Variants in DCAF6 observed in about 807,000 individuals in gnomAD.
DCAF6 encodes the protein DDB1- and CUL4-associated factor 6.
DCAF6 carries 54 observed loss-of-function variants against 125.1 expected under a neutral mutation model. That is an observed-to-expected ratio of 0.43 (90% CI 0.35 to 0.54). The LOEUF is 0.54. Ranked by LOEUF, DCAF6 falls within the 20% of genes least tolerant of loss-of-function variation. The pLI, the probability that DCAF6 is intolerant of heterozygous loss-of-function variation, is 0.01. For synonymous variants in DCAF6, 371 were observed against 390.4 expected (o/e 0.95, Z 0.58); for missense variants, 934 against 1,161.7 (o/e 0.80, Z 2.85).
intron 13 of DCAF6, among the ~76,000 whole-genome samples, chr1:168,041,973 A>C (rs1445630664): frequency 4.6e-5 from 7 of 151,590 alleles, no homozygotes; most frequent in Non-Finnish European, 7.4e-5. Context: ...AATTCTACTG[A>C]CATGACACTC....
chr1:168,058,969 C>T (rs1022065850), intron 17 of DCAF6, among the ~76,000 whole-genome samples: 2 of 151,940 alleles, frequency 1.3e-5, no homozygotes, highest in African/African-American at 2.4e-5. Flanking sequence ...AATCCACTAT[C>T]GTGTATTAGT....
chr1:167,923,902 G>T, the DCAF6 span, among the ~76,000 whole-genome samples: 1 of 152,136 alleles, frequency 6.6e-6, no homozygotes, highest in Non-Finnish European at 1.5e-5. Context: ...CACAGTTATA[G>T]ACCCAAACTG....
At chr1:167,899,630 TG>T in the DCAF6 span, 1 of 1,613,822 alleles carries the variant, frequency 6.2e-7, no homozygotes, top group African/African-American at 1.3e-5. Context: ...CAGCCAGTCC[TG>T]GCAAGAAGGC....
chr1:167,950,011 A>G (rs1673675479), intron 1 of DCAF6, among the ~76,000 whole-genome samples: 1 of 152,222 alleles, frequency 6.6e-6, no homozygotes, highest in African/African-American at 2.4e-5. Context: ...CTATTTAACC[A>G]CAATGTGTTA....
At chr1:168,016,000 T>C in intron 11 of DCAF6, 49 bp downstream of exon 11, 2 of 1,369,138 alleles carry the variant, frequency 1.5e-6, no homozygotes, top group South Asian at 3.5e-5. Context: ...TGTTTTTTAA[T>C]ACTGCTACTG....
the DCAF6 span, among the ~76,000 whole-genome samples, chr1:167,907,546 C>T: frequency 6.6e-6 from 1 of 152,116 alleles, no homozygotes; most frequent in Non-Finnish European, 1.5e-5. Flanking sequence ...ATGGCATTGA[C>T]CAAAGCAAAT....
At chr1:167,916,627 C>G in the DCAF6 span, 1 of 152,182 alleles carries the variant, frequency 6.6e-6, no homozygotes, top group African/African-American at 2.4e-5. Context: ...GGAGGACTGC[C>G]TATGATTGTA....
intron 12 of DCAF6, among the ~76,000 whole-genome samples, chr1:168,028,020 G>A (rs1463381165): frequency 6.6e-6 from 1 of 152,106 alleles, no homozygotes. Flanking sequence ...TTGGAGTTGT[G>A]TGTAAACACA....
rs754283834 is a variant in DCAF6 at position 168,050,931 on chromosome 1, G to A, written c.2298G>A (p.Met766Ile). The change falls in exon 17 of 22, where the codon ATG becomes ATA. Residue 766 changes from methionine to isoleucine, a missense_variant and splice_region_variant. This residue lies in a region of DCAF6 where 559 missense variants were observed against 635.5 expected (regional missense o/e 0.88). Coordinates refer to ENST00000367840, the MANE Select transcript of DCAF6 (RefSeq NM_001198956.2). Reference sequence around the variant, plus strand: ...GAACAACAATAGGTGATAGAATAATGAGGTAATTCAGTATGTTCCTTCATA... The same window carrying A: ...GAACAACAATAGGTGATAGAATAATAAGGTAATTCAGTATGTTCCTTCATA... The part of the protein sequence containing the change: ...IRGTTIGDRI[M>I]RRSAVARIQE... 1.3e-4 allele frequency: 185 copies of A among 1,383,326 alleles called. No homozygotes were observed. The highest frequency in any genetic ancestry group is 1.1e-4 in the Non-Finnish European group (119 of 1,044,006). The allele number at this position is 1,383,326 out of a possible 1,614,324, so 85.7% of individuals were successfully genotyped here.
At position 168,009,378 on chromosome 1, in the gene DCAF6, C is replaced by T. The variant is rs796548935; in HGVS notation, c.1378+4585C>T. 3.4e-3 allele frequency among the ~76,000 whole-genome samples: 409 copies of T among 119,240 alleles called. 2 individuals are homozygous for T. Among genetic ancestry groups the T allele is most frequent in the South Asian group, 0.024 (105 of 4,358 alleles). The allele number at this position is 119,240 out of a possible 152,430, so 78.2% of individuals were successfully genotyped here. ...TCCTTCCTTCCTTCCTTCCTTCCTT[C>T]CTTCCTTCCTTTCTTTCTTTCTTTC... On this transcript the variant is annotated intron_variant, in intron 10 of 21. Transcript: ENST00000367840.
chr1:167,906,458 TCAGATA>T, the DCAF6 span, among the ~76,000 whole-genome samples: 1 of 151,848 alleles, frequency 6.6e-6, no homozygotes, highest in Non-Finnish European at 1.5e-5. Context: ...ATAAATAACT[TCAGATA>T]GTAAATTTGG....
In DCAF6 at chr1:168,034,015, A is replaced by G. The variant is rs541827527; in HGVS notation, c.1610-4356A>G. Among the ~76,000 whole-genome samples the G allele has an allele frequency of 3.3e-5, 5 of 152,366 alleles. No homozygotes were observed. The East Asian group carries it at 5.8e-4, about 18-fold the overall frequency. On this transcript the variant is annotated intron_variant, in intron 12 of 21. Coordinates refer to ENST00000367840, the MANE Select transcript of DCAF6 (RefSeq NM_001198956.2). ...AAAGAAGATACAACATAGTTTTCCT[A>G]TACTATGATGCCAAAGTGATAATTT...
At chr1:168,002,138 T>C (rs1334507296) in intron 7 of DCAF6, among the ~76,000 whole-genome samples, 1 of 152,188 alleles carries the variant, frequency 6.6e-6, no homozygotes, top group Non-Finnish European at 1.5e-5. Context: ...ATCATCACAA[T>C]AGAAAACTAA....
intron 3 of DCAF6, among the ~76,000 whole-genome samples, chr1:167,972,004 C>T (rs976307378): frequency 6.6e-5 from 10 of 152,154 alleles, no homozygotes; most frequent in Middle Eastern, 3.4e-3. Flanking sequence ...TACAGGGATG[C>T]GCCACCATAC....
At chr1:167,973,063 T>C (rs1677581040) in intron 3 of DCAF6, among the ~76,000 whole-genome samples, 1 of 152,176 alleles carries the variant, frequency 6.6e-6, no homozygotes, top group Non-Finnish European at 1.5e-5. Context: ...AACTAATGGC[T>C]GTATGTAGTG....
At chr1:167,920,495 C>G in the DCAF6 span, 1 of 1,576,740 alleles carries the variant, frequency 6.3e-7, no homozygotes, top group Non-Finnish European at 8.6e-7. Context: ...TAAAAGAAAA[C>G]AAAAATCATT....
chr1:167,925,478 T>TATATAC, the DCAF6 span, among the ~76,000 whole-genome samples: 1,386 of 122,192 alleles, frequency 0.011, 5 homozygotes, highest in Non-Finnish European at 0.016. Context: ...TATATATACA[T>TATATAC]ATACATATAC....
chr1:168,068,414 A>G lies in DCAF6; in HGVS notation c.2742A>G (p.Pro914=). 1 of 1,582,318 alleles carries G rather than the reference A, an allele frequency of 6.3e-7. No homozygotes were observed. The highest frequency in any genetic ancestry group is 8.6e-7 in the Non-Finnish European group (1 of 1,162,920). The change falls in exon 21 of 22, where the codon CCA becomes CCG. Residue 914 remains proline, a synonymous_variant. Coordinates refer to ENST00000367840, the MANE Select transcript of DCAF6 (RefSeq NM_001198956.2). ...LEETRNTITV[P]ASFMLRMLAS... is the part of the protein sequence containing the mutation. ...AAACTAGAAACACCATTACAGTTCC[A>G]GCCTCTTTCATGTTGAGGATGTTGG...
intron 11 of DCAF6, among the ~76,000 whole-genome samples, chr1:168,022,561 A>G (rs1324397808): frequency 6.6e-6 from 1 of 152,222 alleles, no homozygotes; most frequent in Admixed American, 6.5e-5. Context: ...AGCAAACAAC[A>G]TCTCTCAAAG....
Sources: allele counts gnomAD v4.1 joint callset (sites outside exome capture counted in the v4.1 genomes callset), GRCh38; gene constraint gnomAD v4.1.1; regional missense constraint gnomAD v4.1.1; transcripts MANE v1.5; gene names NCBI Gene and HGNC (gene_info 2026-07-23, HGNC 2026-07-21).